The following BUD13 variants were observed in gnomAD, a reference collection of about 807,000 sequenced individuals.
The protein encoded by BUD13 is BUD13 homolog.
In BUD13, 47 loss-of-function variants were observed where a neutral mutation model predicts 62.5. That is an observed-to-expected ratio of 0.75 (90% confidence interval 0.60 to 0.96). The LOEUF (loss-of-function observed/expected upper bound fraction) is 0.96, where lower values mean the gene tolerates loss of function less well. Ranked by LOEUF, BUD13 falls within the 40% of genes least tolerant of loss-of-function variation. The pLI is 0.00. For synonymous variants in BUD13, 293 were observed against 280.1 expected, an observed-to-expected ratio of 1.05 and a Z score of -0.46; for missense variants, 821 against 790.9, an observed-to-expected ratio of 1.04 and a Z score of -0.46.
At chr11:116,750,182 T>C (rs1267404641) in intron 9 of BUD13, among the ~76,000 whole-genome samples, 1 of 152,092 alleles carries the variant, frequency 6.6e-6, no homozygotes, top group African/African-American at 2.4e-5. Context: ...AAATTATGGA[T>C]GGAGCCCTGG....
At chr11:116,758,101 A>G in intron 7 of BUD13, 151 bp from the exon 8 acceptor site, 1 of 1,391,162 alleles carries the variant, frequency 7.2e-7, no homozygotes, top group Non-Finnish European at 9.8e-7. Flanking sequence ...AATACCCACT[A>G]GAAGCGTGGA....
chr11:116,763,292 A>G (rs767418148), intron 3 of BUD13, 26 bp from the exon 4 acceptor site: 5 of 1,515,196 alleles, frequency 3.3e-6, no homozygotes, highest in Non-Finnish European at 4.4e-6. Context: ...AAAGAGTCAG[A>G]TTCCCACAAA....
Position 116,763,223 on chromosome 11 carries a change from A to C in BUD13, c.366T>G (p.Asp122Glu). The change falls in exon 4 of 10, where the codon GAT becomes GAG. Residue 122 changes from aspartate (D) to glutamate (E), a missense_variant. Around this residue, in one of 2 missense-constraint regions of BUD13, gnomAD observed 800 missense variants for 739.2 expected, o/e 1.08. Coordinates refer to ENST00000260210, the MANE Select transcript of BUD13 (RefSeq NM_032725.4). ...CCCTCCTAGGAGATGAATCCGGGGT[A>C]TCGTGACGAAAATGTCTGTTTGAGG... ...DLPSNRHFRH[D>E]TPDSSPRRVR... is the part of the protein sequence containing the mutation. 1 of 1,554,576 alleles carries C rather than the reference A, an allele frequency of 6.4e-7. No individual in the cohort carries two copies. The highest frequency in any genetic ancestry group is 8.7e-7 in the Non-Finnish European group (1 of 1,151,046).
rs397687372 is a variant in BUD13 at position 116,758,583 on chromosome 11, CTT to C, written c.1361-178_1361-177del. On this transcript the variant is annotated intron_variant, in intron 6 of 9. Transcript: ENST00000260210. ...ACTGGGCCCAAGAAATGGCATTTTC[CTT>C]TTTTTTTTTTTTTTTTTTTTGAGAT... 3.9e-3 allele frequency among the ~76,000 whole-genome samples: 449 copies of C among 116,590 alleles called. 5 individuals are homozygous for C. In the Admixed American group the frequency reaches 0.039, roughly 10 times the overall value. The allele number at this position is 116,590 out of a possible 152,430, so 76.5% of individuals were successfully genotyped here.
At chr11:116,768,340 C>T (rs1211837521) in intron 2 of BUD13, among the ~76,000 whole-genome samples, 1 of 151,930 alleles carries the variant, frequency 6.6e-6, no homozygotes, top group Admixed American at 6.6e-5. Context: ...CCAGAGTATC[C>T]ACAACATATT....
chr11:116,756,482 A>G (rs545107113), intron 9 of BUD13, among the ~76,000 whole-genome samples: 7 of 152,124 alleles, frequency 4.6e-5, no homozygotes, highest in Non-Finnish European at 1.0e-4. Flanking sequence ...ACTGCACTCC[A>G]GCCTGGGCGA....
chr11:116,758,309 C>T lies in BUD13; in HGVS notation c.1459G>A (p.Asp487Asn). Residue 487 changes from aspartate to asparagine, a missense_variant, in exon 7 of 10, where the codon GAC becomes AAC. By Grantham distance (23) the Asp-to-Asn change is conservative. Transcript: ENST00000260210. ...GCATACAGCTCATCTCTCTCTGAGT[C>T]CTTTTCTGCTTTCCTCCTTTGCTCT... ...RLEQRRKAEKDSERDELYAQW... is the reference protein window; with the variant it reads ...RLEQRRKAEKNSERDELYAQW... 1.2e-6 allele frequency: 2 copies of T among 1,614,208 alleles called. No individual in the cohort carries two copies. Among genetic ancestry groups the T allele is most frequent in the Non-Finnish European group, 1.7e-6 (2 of 1,180,050 alleles).
rs200389478 is a variant in BUD13 at position 116,765,424 on chromosome 11, C to T, written c.260G>A (p.Arg87Gln). The T allele has an allele frequency of 3.6e-5, 58 of 1,614,122 alleles. No homozygotes were observed. Among genetic ancestry groups the T allele is most frequent in the Admixed American group, 3.3e-4 (20 of 60,010 alleles). The change falls in exon 3 of 10, where the codon CGG becomes CAG. Residue 87 changes from arginine to glutamine, a missense_variant. Arg to Gln is a conservative substitution (Grantham distance 43, BLOSUM62 1). Around this residue, in one of 2 missense-constraint regions of BUD13, gnomAD observed 800 missense variants for 739.2 expected, o/e 1.08. Transcript: ENST00000260210. ...LPVVAEFVDE[R>Q]PEEVKQMEAF... ...CTCCATCTGCTTTACCTCTTCTGGC[C>T]GCTCATCCACAAACTCTGCCACCTG...
rs891157087 is a variant in BUD13 at position 116,770,336 on chromosome 11, T to C, written c.144-114A>G. 4.6e-5 allele frequency: 38 copies of C among 822,952 alleles called. 1 individual carries two copies. The Admixed American group carries it at 1.2e-3, about 25-fold the overall frequency. 51.0% of individuals were successfully genotyped at this position (822,952 alleles called of 1,614,324 possible). A position where few individuals can be genotyped will look rare whatever the true frequency, so the allele number is the denominator to read the frequency against. On this transcript the variant is annotated intron_variant, in intron 1 of 9. Transcript: ENST00000260210. ...TCCTACAGGATCCTGCATGGTCCAG[T>C]CTTTGTCTACAAGGTCAACTTCATC... is the stretch of plus-strand genomic sequence containing the variant.
intron 2 of BUD13, among the ~76,000 whole-genome samples, chr11:116,767,641 A>C (rs1940555716): frequency 6.6e-6 from 1 of 151,354 alleles, no homozygotes; most frequent in Non-Finnish European, 1.5e-5. Context: ...TCACTTGCTA[A>C]ATCAGCATAG....
chr11:116,752,859 G>A (rs575493349), intron 9 of BUD13, among the ~76,000 whole-genome samples: 2 of 152,260 alleles, frequency 1.3e-5, no homozygotes, highest in South Asian at 4.1e-4. Context: ...TTAAACTCCT[G>A]GGTTCAAGCG....
At position 116,763,010 on chromosome 11, in the gene BUD13, G is replaced by A. The variant is rs1470119135; in HGVS notation, c.579C>T (p.Ala193=). 6.2e-7 allele frequency: 1 copy of A among 1,613,592 alleles called. No homozygotes were observed. Among genetic ancestry groups the A allele is most frequent in the Admixed American group, 1.7e-5 (1 of 59,994 alleles). The change falls in exon 4 of 10, where the codon GCC becomes GCT. Residue 193 remains alanine, a synonymous_variant. Transcript: ENST00000260210. ...DSSDTSPPRR[A]RHDSPDPSPP... ...GAGAAGGATCTGGAGAATCATGACG[G>A]GCCCTCCTTGGGGGTGAAGTGTCTG... is the stretch of plus-strand genomic sequence containing the variant.
intron 2 of BUD13, among the ~76,000 whole-genome samples, chr11:116,767,055 G>A (rs1940543236): frequency 6.6e-6 from 1 of 151,962 alleles, no homozygotes; most frequent in Non-Finnish European, 1.5e-5. Context: ...GGGCATGGTG[G>A]CAGGCGCCTG....
At chr11:116,764,419 G>T (rs1245582750) in intron 3 of BUD13, among the ~76,000 whole-genome samples, 1 of 152,170 alleles carries the variant, frequency 6.6e-6, no homozygotes. Context: ...AGGAAGCAAG[G>T]GTCAGAGATT....
At chr11:116,770,997 G>A (rs1156757536) in intron 1 of BUD13, among the ~76,000 whole-genome samples, 1 of 151,810 alleles carries the variant, frequency 6.6e-6, no homozygotes, top group Non-Finnish European at 1.5e-5. Context: ...GTTTCACCAT[G>A]TTGCCCAGAC....
chr11:116,752,400 G>T (rs909184560), intron 9 of BUD13, among the ~76,000 whole-genome samples: 1 of 151,934 alleles, frequency 6.6e-6, no homozygotes. Flanking sequence ...AAGAAAGCAA[G>T]GGTGACAAAG....
intron 8 of BUD13, 133 bp downstream of exon 8, chr11:116,757,633 T>C (rs1940352875): frequency 8.4e-7 from 1 of 1,188,822 alleles, no homozygotes; most frequent in Non-Finnish European, 1.2e-6. Flanking sequence ...ACCAATTGAG[T>C]TGAATCTAAA....
chr11:116,750,516 C>A (rs1397652189), intron 9 of BUD13, among the ~76,000 whole-genome samples: 1 of 152,024 alleles, frequency 6.6e-6, no homozygotes, highest in Non-Finnish European at 1.5e-5. Flanking sequence ...AATCCAATGA[C>A]TCCTCCTTCC....
rs771366435 is a variant in BUD13, at chr11:116,758,380, A to C, written c.1388T>G (p.Phe463Cys). Residue 463 changes from phenylalanine (F) to cysteine (C), a missense_variant, in exon 7 of 10, where the codon TTT (phenylalanine) becomes TGT (cysteine). By Grantham distance (205) the Phe-to-Cys change is radical. This residue lies in a region of BUD13 where 800 missense variants were observed against 739.2 expected (regional missense o/e 1.08). Coordinates refer to ENST00000260210, the MANE Select transcript of BUD13 (RefSeq NM_032725.4). Reference sequence around the variant, plus strand: ...CCTCTTACGACCAGACTTATCTCGAAATACGGTTTCAGCATATTGAAATTC... The same window carrying C: ...CCTCTTACGACCAGACTTATCTCGACATACGGTTTCAGCATATTGAAATTC... Reference protein sequence around the residue: ...EAEFQYAETVFRDKSGRKRNL... With the variant: ...EAEFQYAETVCRDKSGRKRNL... The C allele has an allele frequency of 1.9e-6, 3 of 1,614,150 alleles. No individual in the cohort carries two copies. The highest frequency in any genetic ancestry group is 2.5e-6 in the Non-Finnish European group (3 of 1,180,026).
Sources: allele counts gnomAD v4.1 joint callset (sites outside exome capture counted in the v4.1 genomes callset), GRCh38; gene constraint gnomAD v4.1.1; regional missense constraint gnomAD v4.1.1; transcripts MANE v1.5; gene names NCBI Gene and HGNC (gene_info 2026-07-23, HGNC 2026-07-21).